The following CADPS variants were observed in gnomAD, a reference collection of about 807,000 sequenced individuals.
The protein encoded by CADPS is calcium dependent secretion activator, also known as calcium-dependent secretion activator 1.
CADPS carries 57 observed loss-of-function variants against 167.3 expected under a neutral mutation model. That is an observed-to-expected ratio of 0.34 (90% CI 0.28 to 0.42). CADPS has a LOEUF of 0.42. Among genes scored for constraint, CADPS ranks in the 20% least tolerant of loss-of-function variants. The probability of loss-of-function intolerance (pLI) is 1.00; values close to 1 mark genes in which losing one functional copy is unlikely to be tolerated. For missense variants in CADPS, 1,414 were observed against 1,738.1 expected (o/e 0.81, Z 3.32); for synonymous variants, 676 against 635.3 (o/e 1.06, Z -0.96).
chr3:62,839,717 C>T (rs556227298), intron 1 of CADPS, among the ~76,000 whole-genome samples: 5 of 152,142 alleles, frequency 3.3e-5, no homozygotes, highest in South Asian at 2.1e-4. Context: ...TCTGTGAAGT[C>T]GACAAATAGA....
chr3:62,524,299 T>A lies in CADPS; in HGVS notation c.2292-6049A>T, dbSNP rs546491333. On this transcript the variant is annotated intron_variant, in intron 13 of 29. Coordinates refer to ENST00000383710, the MANE Select transcript of CADPS (RefSeq NM_003716.4). ...TGTACAATCCTATGTTAATTATAAA[T>A]TATAATTAGGGCCCTCACATCTCAT... Among the ~76,000 whole-genome samples the A allele has an allele frequency of 1.2e-4, 18 of 152,262 alleles. No homozygotes were observed. The South Asian group carries it at 3.7e-3, about 32-fold the overall frequency.
intron 6 of CADPS, among the ~76,000 whole-genome samples, chr3:62,616,823 T>C (rs2062392941): frequency 6.6e-6 from 1 of 152,200 alleles, no homozygotes; most frequent in African/African-American, 2.4e-5. Flanking sequence ...CAGATACTTA[T>C]CATATTATCT....
At chr3:62,459,975 C>A (rs1249769889) in intron 26 of CADPS, among the ~76,000 whole-genome samples, 3 of 152,170 alleles carry the variant, frequency 2.0e-5, no homozygotes, top group African/African-American at 7.2e-5. Flanking sequence ...ATAGATGACT[C>A]TTTCCCTTAG....
At chr3:62,598,748 C>A (rs2059269531) in intron 6 of CADPS, among the ~76,000 whole-genome samples, 1 of 152,186 alleles carries the variant, frequency 6.6e-6, no homozygotes, top group African/African-American at 2.4e-5. Flanking sequence ...CCTCAGAATT[C>A]AAACTCCTAA....
chr3:62,610,313 C>T (rs2061331442), intron 6 of CADPS, among the ~76,000 whole-genome samples: 1 of 151,906 alleles, frequency 6.6e-6, no homozygotes, highest in Non-Finnish European at 1.5e-5. Context: ...TACAGTGGCA[C>T]AATCTCAGCT....
intron 6 of CADPS, among the ~76,000 whole-genome samples, chr3:62,612,749 A>T (rs1436103703): frequency 6.6e-6 from 1 of 152,178 alleles, no homozygotes; most frequent in Non-Finnish European, 1.5e-5. Context: ...TCCTTGCTGT[A>T]TCCTCTGAGT....
chr3:62,829,238 T>A (rs2074616331), intron 1 of CADPS, among the ~76,000 whole-genome samples: 2 of 152,236 alleles, frequency 1.3e-5, no homozygotes, highest in Non-Finnish European at 1.5e-5. Flanking sequence ...AAAATATTTT[T>A]AAAAATAAAA....
At chr3:62,605,427 A>G (rs1181604169) in intron 6 of CADPS, among the ~76,000 whole-genome samples, 2 of 152,222 alleles carry the variant, frequency 1.3e-5, no homozygotes, top group African/African-American at 2.4e-5. Context: ...AGACACATTT[A>G]TTAGCCTCTC....
At chr3:62,483,207 C>A (rs1419021737) in intron 21 of CADPS, among the ~76,000 whole-genome samples, 1 of 150,898 alleles carries the variant, frequency 6.6e-6, no homozygotes, top group East Asian at 2.0e-4. Flanking sequence ...AGGAGAAGAG[C>A]AAGTTTTGCC....
intron 1 of CADPS, among the ~76,000 whole-genome samples, chr3:62,780,313 G>A (rs1239446839): frequency 6.6e-6 from 1 of 152,174 alleles, no homozygotes; most frequent in Non-Finnish European, 1.5e-5. Flanking sequence ...AGCTACTTCG[G>A]AGGCTGAGAT....
chr3:62,552,595 C>T (rs2077490921), intron 10 of CADPS, among the ~76,000 whole-genome samples: 1 of 152,322 alleles, frequency 6.6e-6, no homozygotes, highest in East Asian at 1.9e-4. Flanking sequence ...CCCCAAATTT[C>T]CAGTGAGGTC....
chr3:62,444,644 T>C (rs779403784), intron 27 of CADPS, among the ~76,000 whole-genome samples: 15 of 152,228 alleles, frequency 9.9e-5, no homozygotes, highest in Non-Finnish European at 2.2e-4. Context: ...AAGTATCATA[T>C]AAATTCAAAG....
In CADPS at chr3:62,762,609, T is replaced by C. The variant is rs12490362; in HGVS notation, c.555+3262A>G. Among the ~76,000 whole-genome samples, 1,027 of 149,478 alleles carry C rather than the reference T, an allele frequency of 6.9e-3. 32 individuals carry two copies. Among genetic ancestry groups the C allele is most frequent in the East Asian group, 0.063 (317 of 5,018 alleles). On this transcript the variant is annotated intron_variant, in intron 2 of 29. Transcript: ENST00000383710. ...AGGTTGAGGCTGCAGTGAGCTGTGA[T>C]TATATGACTGCACTCCAGCCTGGGT...
intron 2 of CADPS, among the ~76,000 whole-genome samples, chr3:62,761,415 A>G (rs1576007709): frequency 6.6e-6 from 1 of 152,072 alleles, no homozygotes; most frequent in Admixed American, 6.6e-5. Flanking sequence ...CAACAAAAAA[A>G]CAACACTCAC....
chr3:62,582,535 A>G (rs1445992353), intron 8 of CADPS, among the ~76,000 whole-genome samples: 1 of 152,222 alleles, frequency 6.6e-6, no homozygotes, highest in Non-Finnish European at 1.5e-5. Context: ...AACTGGGCTC[A>G]GTAAAACTAT....
At chr3:62,589,291 AG>A (rs2085390309) in intron 7 of CADPS, among the ~76,000 whole-genome samples, 1 of 152,230 alleles carries the variant, frequency 6.6e-6, no homozygotes, top group African/African-American at 2.4e-5. Flanking sequence ...CTGCCAGCAG[AG>A]GGTGTCCAGC....
At chr3:62,661,134 A>G (rs946025477) in intron 4 of CADPS, among the ~76,000 whole-genome samples, 1 of 152,220 alleles carries the variant, frequency 6.6e-6, no homozygotes. Flanking sequence ...GATGGCAGGG[A>G]TAGCAATAAT....
intron 28 of CADPS, among the ~76,000 whole-genome samples, chr3:62,415,706 CA>C (rs1240794289): frequency 6.6e-6 from 1 of 152,166 alleles, no homozygotes; most frequent in East Asian, 1.9e-4. Flanking sequence ...AAGTGCCATA[CA>C]ACAGATTGAG....
chr3:62,721,732 C>T (rs558218133), intron 3 of CADPS, among the ~76,000 whole-genome samples: 13 of 152,110 alleles, frequency 8.5e-5, no homozygotes, highest in Non-Finnish European at 1.5e-4. Context: ...TTGCCAGGCA[C>T]TATGCTAAAG....
Sources: gnomAD v4.1 joint callset for allele counts (sites outside exome capture counted in the v4.1 genomes callset) on GRCh38, gnomAD v4.1.1 for gene constraint, MANE v1.5 for transcripts, NCBI Gene and HGNC (gene_info 2026-07-23, HGNC 2026-07-21) for gene names.